PLCXD3: variants seen among roughly 807,000 people sequenced by gnomAD.
The protein encoded by PLCXD3 is PI-PLC X domain-containing protein 3.
A neutral mutation model predicts 25.5 loss-of-function variants in PLCXD3; 19 were observed. The ratio of observed to expected loss-of-function variants is 0.75; its 90% CI spans 0.52 to 1.09. The LOEUF is 1.09. Ranked by LOEUF, PLCXD3 falls within the 50% of genes least tolerant of loss-of-function variation. PLCXD3 has a pLI of 0.00. For synonymous variants in PLCXD3, 174 were observed against 137.6 expected (o/e 1.26, Z -1.85); for missense variants, 411 against 388.1 (o/e 1.06, Z -0.50).
rs572527555 is a variant in PLCXD3 at position 41,340,447 on chromosome 5, T to C, written c.813-26677A>G. 2.0e-5 allele frequency among the ~76,000 whole-genome samples: 3 copies of C among 152,156 alleles called. No homozygotes were observed. The South Asian group carries it at 6.2e-4, about 32-fold the overall frequency. ...CTCTGCCCTAGACCAGAAGAACCATTTGAAAAATCCCATTATTCTTCACCA... is the reference window on the plus strand; with the variant it reads ...CTCTGCCCTAGACCAGAAGAACCATCTGAAAAATCCCATTATTCTTCACCA... On this transcript the variant is annotated intron_variant, in intron 2 of 2. Transcript: ENST00000377801.
chr5:41,490,247 G>T (rs1748628795), intron 1 of PLCXD3, among the ~76,000 whole-genome samples: 1 of 152,182 alleles, frequency 6.6e-6, no homozygotes, highest in African/African-American at 2.4e-5. Flanking sequence ...TTATTGATTT[G>T]TGTATATTGA....
intron 1 of PLCXD3, among the ~76,000 whole-genome samples, chr5:41,419,440 A>G (rs1319174197): frequency 1.3e-5 from 2 of 152,214 alleles, no homozygotes; most frequent in East Asian, 3.9e-4. Flanking sequence ...TTTTTCCAAT[A>G]GAAAACAACA....
chr5:41,437,500 G>A (rs747019737), intron 1 of PLCXD3, among the ~76,000 whole-genome samples: 4 of 152,218 alleles, frequency 2.6e-5, no homozygotes, highest in Non-Finnish European at 5.9e-5. Context: ...TGTTTGAGGA[G>A]CAAATAGAAT....
chr5:41,337,217 C>T (rs1744008569), intron 2 of PLCXD3, among the ~76,000 whole-genome samples: 1 of 152,052 alleles, frequency 6.6e-6, no homozygotes, highest in Admixed American at 6.6e-5. Context: ...GGTGAAAGGC[C>T]ACCAGAACTA....
At chr5:41,496,627 CAAAA>C (rs71608608) in intron 1 of PLCXD3, among the ~76,000 whole-genome samples, 2,211 of 114,720 alleles carry the variant, frequency 0.019, 58 homozygotes, top group African/African-American at 0.063. Flanking sequence ...TTTCCCAGAC[CAAAA>C]AAAAAAAAAA....
chr5:41,355,769 A>G (rs1439472541), intron 2 of PLCXD3, among the ~76,000 whole-genome samples: 1 of 152,214 alleles, frequency 6.6e-6, no homozygotes, highest in Non-Finnish European at 1.5e-5. Flanking sequence ...TTGTGATTCC[A>G]TGAAGAGTGG....
intron 1 of PLCXD3, among the ~76,000 whole-genome samples, chr5:41,436,695 G>C (rs1747262240): frequency 6.6e-6 from 1 of 152,098 alleles, no homozygotes; most frequent in African/African-American, 2.4e-5. Context: ...CACAACAACA[G>C]TGTGTAAAGG....
rs1745475507 is a variant in PLCXD3, at chr5:41,381,940, A to G, written c.698T>C (p.Ile233Thr). The G allele has an allele frequency of 1.9e-6, 3 of 1,613,286 alleles. No homozygotes were observed. Among genetic ancestry groups the G allele is most frequent in the Non-Finnish European group, 2.5e-6 (3 of 1,179,642 alleles). ...CGATCCCTTCTTTCTTCTCTCAGTG[A>G]TGGATGCTTGAAGAAACTGGATCAG... is the stretch of plus-strand genomic sequence containing the variant. Reference protein sequence around the residue: ...EKLIQFLQASITERRKKGSFF... With the variant: ...EKLIQFLQASTTERRKKGSFF... The change falls in exon 2 of 3, where the codon ATC becomes ACC. Residue 233 changes from isoleucine (I) to threonine (T), a missense_variant. Physicochemically the swap from Ile to Thr is moderately conservative, Grantham distance 89 (BLOSUM62 -1). Coordinates refer to ENST00000377801, the MANE Select transcript of PLCXD3 (RefSeq NM_001005473.3).
chr5:41,474,505 T>C (rs2150521027), intron 1 of PLCXD3, among the ~76,000 whole-genome samples: 2 of 152,304 alleles, frequency 1.3e-5, no homozygotes, highest in South Asian at 4.1e-4. Flanking sequence ...TTGAATTAAT[T>C]GAGAAAGGCA....
chr5:41,435,348 T>C (rs1747222455), intron 1 of PLCXD3, among the ~76,000 whole-genome samples: 1 of 152,274 alleles, frequency 6.6e-6, no homozygotes, highest in South Asian at 2.1e-4. Context: ...AATCTTCTGA[T>C]AAACATACTT....
rs1188977880 is a variant in PLCXD3 at position 41,309,373 on chromosome 5, G to C, written c.*4244C>G. 1 of 152,546 alleles carries C rather than the reference G, an allele frequency of 6.6e-6. No individual in the cohort carries two copies. Among genetic ancestry groups the C allele is most frequent in the Non-Finnish European group, 1.5e-5 (1 of 67,998 alleles). The allele number at this position is 152,546 out of a possible 1,614,324, so 9.4% of individuals were successfully genotyped here. A position where few individuals can be genotyped will look rare whatever the true frequency, so the allele number is the denominator to read the frequency against. On this transcript the variant is annotated 3_prime_UTR_variant, in exon 3 of 3. Coordinates refer to ENST00000377801, the MANE Select transcript of PLCXD3 (RefSeq NM_001005473.3). ...TGGCAGATATAGCATTTACACCATA[G>C]TGTCACTGAAATCTAGCTGAAAAGA...
At chr5:41,400,084 C>G (rs1561261151) in intron 1 of PLCXD3, among the ~76,000 whole-genome samples, 1 of 152,006 alleles carries the variant, frequency 6.6e-6, no homozygotes, top group East Asian at 1.9e-4. Context: ...GGCATGTGAA[C>G]AGATGCACAA....
rs778305942 is a variant in PLCXD3 at position 41,381,941 on chromosome 5, T to C, written c.697A>G (p.Ile233Val). 3.1e-6 allele frequency: 5 copies of C among 1,613,396 alleles called. No individual in the cohort carries two copies. The highest frequency in any genetic ancestry group is 4.2e-6 in the Non-Finnish European group (5 of 1,179,650). Residue 233 changes from isoleucine to valine, a missense_variant, in exon 2 of 3, where the codon ATC becomes GTC. Physicochemically the swap from Ile to Val is conservative, Grantham distance 29. Transcript: ENST00000377801. ...GATCCCTTCTTTCTTCTCTCAGTGA[T>C]GGATGCTTGAAGAAACTGGATCAGT... ...EKLIQFLQAS[I>V]TERRKKGSFF...
chr5:41,404,103 A>G (rs969379871), intron 1 of PLCXD3, among the ~76,000 whole-genome samples: 3 of 152,148 alleles, frequency 2.0e-5, no homozygotes, highest in East Asian at 3.9e-4. Context: ...ATTAAAATAC[A>G]TTAAGCAATG....
At chr5:41,386,441 T>TC (rs1745637374) in intron 1 of PLCXD3, among the ~76,000 whole-genome samples, 1 of 152,102 alleles carries the variant, frequency 6.6e-6, no homozygotes, top group African/African-American at 2.4e-5. Context: ...TCTCATTCTG[T>TC]CATTTGGTAT....
At chr5:41,387,963 T>A (rs1043666534) in intron 1 of PLCXD3, among the ~76,000 whole-genome samples, 2 of 152,146 alleles carry the variant, frequency 1.3e-5, no homozygotes, top group Admixed American at 1.3e-4. Flanking sequence ...AATGGGCTTA[T>A]GCAAATAATT....
intron 2 of PLCXD3, among the ~76,000 whole-genome samples, chr5:41,329,042 A>C (rs1306271896): frequency 6.6e-6 from 1 of 152,182 alleles, no homozygotes; most frequent in Non-Finnish European, 1.5e-5. Flanking sequence ...TCTTCCCATC[A>C]GTGAATGCTA....
At chr5:41,325,947 G>T (rs1743613075) in intron 2 of PLCXD3, among the ~76,000 whole-genome samples, 2 of 152,100 alleles carry the variant, frequency 1.3e-5, no homozygotes, top group Non-Finnish European at 2.9e-5. Context: ...TCACATGGTG[G>T]AAGGGAAAAC....
rs187809916 is a variant in PLCXD3, at chr5:41,391,958, G to T, written c.104-9424C>A. Reference sequence around the variant, plus strand: ...GGTGGTGGTGGTGGCTATGGATGAGGTTCCTCTGCCTTTGGAAAGAGAGGG... The same window carrying T: ...GGTGGTGGTGGTGGCTATGGATGAGTTTCCTCTGCCTTTGGAAAGAGAGGG... On this transcript the variant is annotated intron_variant, in intron 1 of 2. Coordinates refer to ENST00000377801, the MANE Select transcript of PLCXD3 (RefSeq NM_001005473.3). 1.1e-4 allele frequency among the ~76,000 whole-genome samples: 17 copies of T among 152,246 alleles called. No individual in the cohort carries two copies. In the East Asian group the frequency reaches 2.7e-3, roughly 24 times the overall value.
Sources: allele counts gnomAD v4.1 joint callset (sites outside exome capture counted in the v4.1 genomes callset), GRCh38; gene constraint gnomAD v4.1.1; transcripts MANE v1.5; gene names NCBI Gene and HGNC (gene_info 2026-07-23, HGNC 2026-07-21).